The following IQSEC1 variants were observed in gnomAD, a reference collection of about 807,000 sequenced individuals.
IQSEC1 encodes the protein IQ motif and Sec7 domain ArfGEF 1, also known as IQ motif and SEC7 domain-containing protein 1.
A neutral mutation model predicts 91.0 loss-of-function variants in IQSEC1; 31 were observed. The ratio of observed to expected loss-of-function variants is 0.34; its 90% CI spans 0.26 to 0.46. The LOEUF is 0.46. Ranked by LOEUF, IQSEC1 falls within the 20% of genes least tolerant of loss-of-function variation. IQSEC1 has a pLI of 1.00. For missense variants in IQSEC1, 1,388 were observed against 1,575.6 expected, an observed-to-expected ratio of 0.88 and a Z score of 2.02; for synonymous variants, 699 against 662.6, an observed-to-expected ratio of 1.05 and a Z score of -0.84.
intron 1 of IQSEC1, among the ~76,000 whole-genome samples, chr3:13,036,939 C>T (rs186875258): frequency 1.3e-4 from 20 of 152,272 alleles, no homozygotes; most frequent in African/African-American, 3.8e-4. Flanking sequence ...GCAAAGTCAG[C>T]GTGTGGGCAG....
rs564354081 is a variant in IQSEC1, at chr3:13,097,017, C to T, written c.303-49495G>A. ...CTGGGACTACAGGCGCCCGCCACCA[C>T]GCCTGGCTAATTTTTTGTATTTTTA... On this transcript the variant is annotated intron_variant, in intron 2 of 15. Transcript: ENST00000648114. 2.9e-4 allele frequency among the ~76,000 whole-genome samples: 44 copies of T among 152,266 alleles called. No individual in the cohort carries two copies. The East Asian group carries it at 6.2e-3, about 21-fold the overall frequency.
At chr3:12,906,074 G>C (rs1575851130) in intron 12 of IQSEC1, among the ~76,000 whole-genome samples, 1 of 152,304 alleles carries the variant, frequency 6.6e-6, no homozygotes, top group African/African-American at 2.4e-5. Flanking sequence ...CCTGAGGATG[G>C]GTTCCTTCAG....
Position 12,994,384 on chromosome 3 carries a change from C to T in IQSEC1, c.24-52519G>A, listed in dbSNP as rs1301749368. Among the ~76,000 whole-genome samples, 2 of 151,940 alleles carry T rather than the reference C, an allele frequency of 1.3e-5. No individual in the cohort carries two copies. Among genetic ancestry groups the T allele is most frequent in the African/African-American group, 2.4e-5 (1 of 41,412 alleles). On this transcript the variant is annotated intron_variant, in intron 1 of 13. Coordinates refer to ENST00000613206, the MANE Select transcript of IQSEC1 (RefSeq NM_001134382.3). This position sits in a 1 kb window ranked among gnomAD's most constrained non-coding sequence, Gnocchi z 4.5. ...GGGGGCGGGGAGGACGGTGCCGCCC[C>T]GGCCGCCGACGTCACCCGAGCCTGG... is the stretch of plus-strand genomic sequence containing the variant.
intron 1 of IQSEC1, among the ~76,000 whole-genome samples, chr3:13,176,842 C>G (rs1693739797): frequency 6.6e-6 from 1 of 152,202 alleles, no homozygotes. Flanking sequence ...CAGCTCGGTA[C>G]AGATAGGGAA....
intron 1 of IQSEC1, among the ~76,000 whole-genome samples, chr3:13,058,186 T>C (rs1704942052): frequency 6.6e-6 from 1 of 152,100 alleles, no homozygotes; most frequent in Non-Finnish European, 1.5e-5. Flanking sequence ...GGTATGAGAA[T>C]TGCTTGAACC....
intron 1 of IQSEC1, among the ~76,000 whole-genome samples, chr3:12,990,581 T>C (rs1166905317): frequency 1.3e-5 from 2 of 152,246 alleles, no homozygotes; most frequent in Non-Finnish European, 2.9e-5. Flanking sequence ...CTTTCTATGC[T>C]GTCACACACG....
chr3:13,059,485 T>C (rs984232171), intron 1 of IQSEC1, among the ~76,000 whole-genome samples: 8 of 152,118 alleles, frequency 5.3e-5, no homozygotes, highest in African/African-American at 1.9e-4. Flanking sequence ...AGAGGCAGCA[T>C]GGGGGCTCAT....
intron 1 of IQSEC1, among the ~76,000 whole-genome samples, chr3:13,279,324 T>C (rs1411219234): frequency 6.6e-6 from 1 of 152,234 alleles, no homozygotes; most frequent in Non-Finnish European, 1.5e-5. Flanking sequence ...TGAATTCTGA[T>C]GTCAGGGTAA....
At chr3:13,091,757 C>G (rs1705865246) in intron 2 of IQSEC1, among the ~76,000 whole-genome samples, 1 of 152,196 alleles carries the variant, frequency 6.6e-6, no homozygotes, top group South Asian at 2.1e-4. Flanking sequence ...CTGAGAGGTG[C>G]CTGAAGCTCC....
chr3:13,272,700 C>A (rs148702345), intron 1 of IQSEC1, among the ~76,000 whole-genome samples: 1 of 152,318 alleles, frequency 6.6e-6, no homozygotes, highest in Admixed American at 6.5e-5. Context: ...AAAGTAAAGA[C>A]AGAGATGTGA....
chr3:13,215,298 G>A (rs1456513302), intron 1 of IQSEC1, among the ~76,000 whole-genome samples: 1 of 151,336 alleles, frequency 6.6e-6, no homozygotes, highest in African/African-American at 2.4e-5. Context: ...ACGGCTGCCT[G>A]ATGAAATCGA....
At chr3:13,081,256 C>T (rs1705643255) in intron 2 of IQSEC1, among the ~76,000 whole-genome samples, 1 of 152,180 alleles carries the variant, frequency 6.6e-6, no homozygotes, top group Non-Finnish European at 1.5e-5. Flanking sequence ...TTTATTTATT[C>T]CTTCAACTTT....
chr3:13,192,387 T>C (rs1389649880), intron 1 of IQSEC1, among the ~76,000 whole-genome samples: 1 of 150,848 alleles, frequency 6.6e-6, no homozygotes, highest in Non-Finnish European at 1.5e-5. Flanking sequence ...ATTGCAGATG[T>C]CTTAGGTAAG....
chr3:13,221,733 G>A (rs1694664444), intron 1 of IQSEC1, among the ~76,000 whole-genome samples: 1 of 152,254 alleles, frequency 6.6e-6, no homozygotes, highest in African/African-American at 2.4e-5. Flanking sequence ...TATCACAGAG[G>A]CCGGGCCTCC....
At position 12,909,385 on chromosome 3, in the gene IQSEC1, G is replaced by A; in HGVS notation, c.2466C>T (p.Ile822=). The part of the protein sequence containing the change: ...RLTSSVPGAD[I]KVLINFNAPN... ...GGGCGTTGAAGTTTATTAACACTTT[G>A]ATATCTGCTCCGGGGACAGACGAGG... The change falls in exon 11 of 14, where the codon ATC becomes ATT. Residue 822 remains isoleucine, a synonymous_variant. Coordinates refer to ENST00000613206, the MANE Select transcript of IQSEC1 (RefSeq NM_001134382.3). The surrounding 1 kb of genome is among the most constrained non-coding windows in gnomAD (Gnocchi z 4.9). 1.2e-6 allele frequency: 2 copies of A among 1,614,194 alleles called. No individual in the cohort carries two copies.
upstream of IQSEC1, among the ~76,000 whole-genome samples, chr3:13,073,495 C>T (rs1474109640): frequency 1.3e-5 from 2 of 152,176 alleles, no homozygotes; most frequent in Non-Finnish European, 2.9e-5. Flanking sequence ...GTAGTGCGGC[C>T]GCGCCGGACC....
chr3:13,002,445 G>T (rs1702457732), intron 1 of IQSEC1, among the ~76,000 whole-genome samples: 1 of 151,956 alleles, frequency 6.6e-6, no homozygotes, highest in Non-Finnish European at 1.5e-5. Context: ...ACTTTGGGAG[G>T]CAGAGGCAGA....
At chr3:13,223,607 C>T (rs539689248) in intron 1 of IQSEC1, among the ~76,000 whole-genome samples, 14 of 152,302 alleles carry the variant, frequency 9.2e-5, no homozygotes, top group East Asian at 1.9e-4. Flanking sequence ...CAGGTCCTCG[C>T]GCGCCCACCT....
At chr3:12,941,965 C>G in intron 1 of IQSEC1, 100 bp from the exon 2 acceptor site, 1 of 1,136,458 alleles carries the variant, frequency 8.8e-7, no homozygotes, top group Non-Finnish European at 1.2e-6. Context: ...GGAGGAGCCC[C>G]CATGCCCGTT....
Sources: gnomAD v4.1 joint callset for allele counts (sites outside exome capture counted in the v4.1 genomes callset) on GRCh38, gnomAD v4.1.1 for gene constraint, Gnocchi (gnomAD v3.1) non-coding constraint, MANE v1.5 for transcripts, NCBI Gene and HGNC (gene_info 2026-07-23, HGNC 2026-07-21) for gene names.